KDM5A: variants seen among roughly 807,000 people sequenced by gnomAD.
KDM5A encodes the protein lysine-specific demethylase 5A.
In KDM5A, 42 loss-of-function variants were observed where a neutral mutation model predicts 193.5. That is an observed-to-expected ratio of 0.22 (90% CI 0.17 to 0.28). KDM5A has a LOEUF of 0.28. KDM5A is among the 10% of genes least tolerant of loss of function. The probability of loss-of-function intolerance (pLI) is 1.00; values close to 1 mark genes in which losing one functional copy is unlikely to be tolerated. For missense variants in KDM5A, 1,692 were observed against 2,055.1 expected, an observed-to-expected ratio of 0.82 and a Z score of 3.42; for synonymous variants, 796 against 718.1, an observed-to-expected ratio of 1.11 and a Z score of -1.73.
chr12:341,651 C>T (rs148557011), intron 10 of KDM5A, among the ~76,000 whole-genome samples: 64 of 152,210 alleles, frequency 4.2e-4, no homozygotes, highest in Non-Finnish European at 6.3e-4. Context: ...TCTCTAATCC[C>T]AGCACTTTGG....
rs375005592 is a variant in KDM5A at position 333,610 on chromosome 12, A to G, written c.1530T>C (p.Ala510=). The change falls in exon 12 of 28, where the codon GCT becomes GCC. Residue 510 remains alanine (A), a synonymous_variant. Transcript: ENST00000399788. ...PKTWYGVPSH[A]AEQLEEVMRE... is the part of the protein sequence containing the mutation. Reference sequence around the variant, plus strand: ...TCATCACCTCCTCCAGTTGCTCTGCAGCATGAGATGGCACACCATACCATG... The same window carrying G: ...TCATCACCTCCTCCAGTTGCTCTGCGGCATGAGATGGCACACCATACCATG... The G allele has an allele frequency of 5.1e-5, 82 of 1,614,040 alleles. No individual in the cohort carries two copies. The highest frequency in any genetic ancestry group is 6.2e-5 in the Non-Finnish European group (73 of 1,180,032).
At chr12:376,839 T>C (rs964272341) in intron 3 of KDM5A, among the ~76,000 whole-genome samples, 2 of 152,048 alleles carry the variant, frequency 1.3e-5, no homozygotes, top group Non-Finnish European at 2.9e-5. Flanking sequence ...AGAGGTCAAA[T>C]AGACCAAGAA....
rs781695853 is a variant in KDM5A at position 356,456 on chromosome 12, C to T, written c.754G>A (p.Ala252Thr). 6.2e-7 allele frequency: 1 copy of T among 1,611,460 alleles called. No homozygotes were observed. The part of the protein sequence containing the change: ...FGAGPKVVGL[A>T]MGTKDKEDEV... ...CCTTCTTTATCTTTTGTTCCCATTGCCAAGCCCACAACCTTGGGCCCAGCC... is the reference window on the plus strand; with the variant it reads ...CCTTCTTTATCTTTTGTTCCCATTGTCAAGCCCACAACCTTGGGCCCAGCC... Residue 252 changes from alanine (A) to threonine (T), a missense_variant, in exon 6 of 28, where the codon GCA becomes ACA. Physicochemically the swap from Ala to Thr is moderately conservative, Grantham distance 58 (BLOSUM62 0). This residue lies in a region of KDM5A where 134 missense variants were observed against 124.2 expected (regional missense o/e 1.08). Transcript: ENST00000399788.
In KDM5A at chr12:321,104, C is replaced by T; in HGVS notation, c.2432G>A (p.Ser811Asn). 1 of 1,608,842 alleles carries T rather than the reference C, an allele frequency of 6.2e-7. No homozygotes were observed. Among genetic ancestry groups the T allele is most frequent in the African/African-American group, 1.3e-5 (1 of 74,956 alleles). Reference protein sequence around the residue: ...LLSKKQKHRQSPDSGRTRTKL... With the variant: ...LLSKKQKHRQNPDSGRTRTKL... ...GGTCCGAGTCCTCCCACTATCTGGGCTCTGTCTGATGTGAAATAATATTGA... is the reference window on the plus strand; with the variant it reads ...GGTCCGAGTCCTCCCACTATCTGGGTTCTGTCTGATGTGAAATAATATTGA... The change falls in exon 18 of 28, where the codon AGC becomes AAC. Residue 811 changes from serine (S) to asparagine (N), a missense_variant. Ser to Asn is a conservative substitution (Grantham distance 46). Coordinates refer to ENST00000399788, the MANE Select transcript of KDM5A (RefSeq NM_001042603.3).
At chr12:347,198 C>T (rs1330366794) in intron 10 of KDM5A, among the ~76,000 whole-genome samples, 1 of 152,148 alleles carries the variant, frequency 6.6e-6, no homozygotes, top group African/African-American at 2.4e-5. Flanking sequence ...AGGAATCCAA[C>T]TTACAAGAGA....
intron 10 of KDM5A, among the ~76,000 whole-genome samples, chr12:336,314 C>T (rs1943932499): frequency 6.7e-6 from 1 of 149,756 alleles, no homozygotes; most frequent in African/African-American, 2.5e-5. Flanking sequence ...CGAGATCATG[C>T]CACTGCACTC....
intron 3 of KDM5A, among the ~76,000 whole-genome samples, chr12:370,088 A>C (rs919021711): frequency 6.6e-6 from 1 of 152,226 alleles, no homozygotes; most frequent in African/African-American, 2.4e-5. Context: ...AGATTATCAT[A>C]CATAATTTAA....
chr12:298,772 T>C (rs1372051453), intron 24 of KDM5A, among the ~76,000 whole-genome samples: 1 of 152,062 alleles, frequency 6.6e-6, no homozygotes, highest in African/African-American at 2.4e-5. Flanking sequence ...GACCATGTTC[T>C]AACCCAATAC....
intron 2 of KDM5A, among the ~76,000 whole-genome samples, chr12:384,793 T>C (rs1944619511): frequency 6.6e-6 from 1 of 152,214 alleles, no homozygotes; most frequent in African/African-American, 2.4e-5. Context: ...GTTCTGTCAT[T>C]TCATCCATAT....
chr12:313,143 G>C lies in KDM5A; in HGVS notation c.2949C>G (p.Asn983Lys). 6.2e-7 allele frequency: 1 copy of C among 1,614,106 alleles called. No individual in the cohort carries two copies. Among genetic ancestry groups the C allele is most frequent in the Non-Finnish European group, 8.5e-7 (1 of 1,179,966 alleles). ...SLESIVNEAK[N>K]IPAFLPNVLS... is the part of the protein sequence containing the mutation. ...ACACATTGGGTAGAAAGGCTGGAAT[G>C]TTCTTGGCTTCATTCACAATGCTTT... is the stretch of plus-strand genomic sequence containing the variant. The change falls in exon 20 of 28, where the codon AAC becomes AAG. Residue 983 changes from asparagine to lysine, a missense_variant. By Grantham distance (94) the Asn-to-Lys change is moderately conservative. Transcript: ENST00000399788.
chr12:304,986 C>T (rs1462714168), intron 24 of KDM5A, among the ~76,000 whole-genome samples: 3 of 152,166 alleles, frequency 2.0e-5, no homozygotes, highest in Non-Finnish European at 4.4e-5. Flanking sequence ...ACCCTATATA[C>T]AACTTCGTAA....
chr12:333,788 T>A, intron 11 of KDM5A, 139 bp from the exon 12 acceptor site: 1 of 815,082 alleles, frequency 1.2e-6, no homozygotes, highest in Non-Finnish European at 2.1e-6. Context: ...GGCAACCATC[T>A]TATAAACCTG....
intron 3 of KDM5A, among the ~76,000 whole-genome samples, chr12:376,155 T>C (rs1944501360): frequency 1.3e-5 from 2 of 152,212 alleles, no homozygotes; most frequent in Non-Finnish European, 2.9e-5. Flanking sequence ...TACCTTTTGT[T>C]TGGCCATGCC....
chr12:361,397 T>A (rs11062603), intron 5 of KDM5A, among the ~76,000 whole-genome samples: 23 of 152,160 alleles, frequency 1.5e-4, no homozygotes, highest in Non-Finnish European at 2.9e-4. Flanking sequence ...GATTTCACCG[T>A]GTTAGCCAGG....
intron 3 of KDM5A, among the ~76,000 whole-genome samples, chr12:372,965 T>C (rs1276009086): frequency 6.6e-6 from 1 of 152,162 alleles, no homozygotes; most frequent in Admixed American, 6.5e-5. Context: ...GTGGATAAGC[T>C]TTTTGATGTG....
At position 307,398 on chromosome 12, in the gene KDM5A, AT is replaced by A; in HGVS notation, c.3930+55del. 1.3e-6 allele frequency: 2 copies of A among 1,541,176 alleles called. No homozygotes were observed. Among genetic ancestry groups the A allele is most frequent in the South Asian group, 2.2e-5 (2 of 89,326 alleles). On this transcript the variant is annotated intron_variant, in intron 23 of 27. Transcript: ENST00000399788. This position sits in a 1 kb window ranked among gnomAD's most constrained non-coding sequence, Gnocchi z 4.3. ...ATTGGTAAGACAGACTCAATTTACT[AT>A]TTATACACTGACATATCCCATGAAA...
At chr12:345,828 T>C (rs1944065969) in intron 10 of KDM5A, among the ~76,000 whole-genome samples, 1 of 152,118 alleles carries the variant, frequency 6.6e-6, no homozygotes, top group Non-Finnish European at 1.5e-5. Flanking sequence ...AGATCTAAAA[T>C]GGACATCCTA....
intron 3 of KDM5A, among the ~76,000 whole-genome samples, chr12:376,407 C>T (rs1433002307): frequency 1.3e-5 from 2 of 152,224 alleles, no homozygotes; most frequent in Admixed American, 6.5e-5. Context: ...TCCTGGTGTG[C>T]CGTTTGCTAA....
chr12:385,495 TTAAAACCAAAAC>T (rs1392284641), intron 2 of KDM5A, among the ~76,000 whole-genome samples: 1 of 151,998 alleles, frequency 6.6e-6, no homozygotes, highest in Non-Finnish European at 1.5e-5. Context: ...CAAAGTTCCA[TTAAAACCAAAAC>T]CAAAACCAAA....
Sources: gnomAD v4.1 joint callset for allele counts (sites outside exome capture counted in the v4.1 genomes callset) on GRCh38, gnomAD v4.1.1 for gene constraint, gnomAD v4.1.1 regional missense constraint, Gnocchi (gnomAD v3.1) non-coding constraint, MANE v1.5 for transcripts, NCBI Gene and HGNC (gene_info 2026-07-23, HGNC 2026-07-21) for gene names.